GRID2: variants seen among roughly 807,000 people sequenced by gnomAD.
GRID2 encodes glutamate receptor ionotropic, delta-2.
A neutral mutation model predicts 114.8 loss-of-function variants in GRID2; 33 were observed. That is an observed-to-expected ratio of 0.29 (90% confidence interval 0.22 to 0.38). The LOEUF (loss-of-function observed/expected upper bound fraction) is 0.38. GRID2 is among the 10% of genes least tolerant of loss of function. The pLI, the probability that GRID2 is intolerant of heterozygous loss-of-function variation, is 1.00. For synonymous variants in GRID2, 505 were observed against 449.9 expected (o/e 1.12, Z -1.55); for missense variants, 1,184 against 1,257.7 (o/e 0.94, Z 0.89).
intron 2 of GRID2, among the ~76,000 whole-genome samples, chr4:93,053,086 C>G (rs748886035): frequency 6.6e-6 from 1 of 151,886 alleles, no homozygotes; most frequent in Non-Finnish European, 1.5e-5. Context: ...GTGGCACACT[C>G]GCCTCCCACT....
chr4:93,080,766 C>T (rs1056266797), intron 2 of GRID2, among the ~76,000 whole-genome samples: 1 of 152,150 alleles, frequency 6.6e-6, no homozygotes, highest in Non-Finnish European at 1.5e-5. Context: ...TTAATCCCTT[C>T]TGTGCTGCTA....
At chr4:93,626,544 G>A in intron 14 of GRID2, 109 bp downstream of exon 14, 1 of 673,850 alleles carries the variant, frequency 1.5e-6, no homozygotes, top group South Asian at 2.2e-5. Flanking sequence ...GTTAGGAGAA[G>A]CACAATAAAC....
chr4:93,261,134 A>T (rs1750208977), intron 8 of GRID2, among the ~76,000 whole-genome samples: 1 of 151,838 alleles, frequency 6.6e-6, no homozygotes, highest in African/African-American at 2.4e-5. Context: ...TTCAACTAAA[A>T]GTCACTTTTG....
intron 13 of GRID2, among the ~76,000 whole-genome samples, chr4:93,600,627 G>A (rs184850685): frequency 1.3e-5 from 2 of 152,246 alleles, no homozygotes; most frequent in South Asian, 2.1e-4. Context: ...TGTAAAATGC[G>A]TAAAAACTAC....
At chr4:92,722,230 A>C (rs549019988) in intron 2 of GRID2, among the ~76,000 whole-genome samples, 1 of 152,278 alleles carries the variant, frequency 6.6e-6, no homozygotes, top group East Asian at 1.9e-4. Flanking sequence ...CACTGAAAGC[A>C]TGGATACTGA....
intron 1 of GRID2, among the ~76,000 whole-genome samples, chr4:92,420,926 C>A (rs1731874879): frequency 6.6e-6 from 1 of 152,148 alleles, no homozygotes; most frequent in African/African-American, 2.4e-5. Context: ...CTCAAGTGAT[C>A]TGCCTGCCTC....
At chr4:93,015,480 A>G (rs916274808) in intron 2 of GRID2, among the ~76,000 whole-genome samples, 2 of 152,184 alleles carry the variant, frequency 1.3e-5, no homozygotes, top group African/African-American at 4.8e-5. Flanking sequence ...GCAAATAAAA[A>G]TAGCAGACAA....
chr4:92,566,284 C>T (rs1727330766), intron 1 of GRID2, among the ~76,000 whole-genome samples: 1 of 151,558 alleles, frequency 6.6e-6, no homozygotes, highest in Non-Finnish European at 1.5e-5. Flanking sequence ...GGAAATATTT[C>T]TGTTTTTTTT....
At chr4:93,233,579 G>A (rs185520492) in intron 7 of GRID2, among the ~76,000 whole-genome samples, 64 of 152,090 alleles carry the variant, frequency 4.2e-4, no homozygotes, top group Admixed American at 2.8e-3. Context: ...CTGACCTCAG[G>A]TGATCCATCT....
chr4:93,461,182 TATA>T (rs1723707798), intron 11 of GRID2, among the ~76,000 whole-genome samples: 1 of 152,172 alleles, frequency 6.6e-6, no homozygotes, highest in African/African-American at 2.4e-5. Flanking sequence ...TATACAAATT[TATA>T]ATGACAGATA....
At chr4:92,469,518 T>A (rs1018869375) in intron 1 of GRID2, among the ~76,000 whole-genome samples, 2 of 152,132 alleles carry the variant, frequency 1.3e-5, no homozygotes, top group Non-Finnish European at 2.9e-5. Flanking sequence ...TCATACCATG[T>A]TTTCTATTTG....
chr4:92,419,957 C>G (rs191429691), intron 1 of GRID2, among the ~76,000 whole-genome samples: 1 of 152,096 alleles, frequency 6.6e-6, no homozygotes, highest in Admixed American at 6.6e-5. Flanking sequence ...AATGAAATTT[C>G]ATCAAAGTTT....
At chr4:92,654,789 T>A (rs1021017229) in intron 2 of GRID2, among the ~76,000 whole-genome samples, 1 of 152,118 alleles carries the variant, frequency 6.6e-6, no homozygotes, top group African/African-American at 2.4e-5. Context: ...CTCCTTATAT[T>A]CTGGATGTTA....
intron 1 of GRID2, among the ~76,000 whole-genome samples, chr4:92,361,047 T>C (rs1560586533): frequency 6.6e-6 from 1 of 152,024 alleles, no homozygotes; most frequent in Admixed American, 6.6e-5. Context: ...TTTTATTTAT[T>C]GTTTACTCTG....
intron 1 of GRID2, among the ~76,000 whole-genome samples, chr4:92,496,267 T>C (rs1723384519): frequency 6.6e-6 from 1 of 151,886 alleles, no homozygotes; most frequent in African/African-American, 2.4e-5. Context: ...TTGTATTCCT[T>C]CTTTGTGGAT....
intron 8 of GRID2, among the ~76,000 whole-genome samples, chr4:93,325,823 G>A (rs944334523): frequency 2.0e-5 from 3 of 151,486 alleles, no homozygotes; most frequent in Non-Finnish European, 1.5e-5. Context: ...TTTTTTGCTG[G>A]CTATCACTCA....
chr4:92,480,371 T>C (rs1722523529), intron 1 of GRID2, among the ~76,000 whole-genome samples: 1 of 152,150 alleles, frequency 6.6e-6, no homozygotes, highest in Non-Finnish European at 1.5e-5. Flanking sequence ...TGTTGAAATA[T>C]AACATTTTTA....
At chr4:93,696,815 C>G (rs1727060009) in intron 14 of GRID2, among the ~76,000 whole-genome samples, 1 of 152,060 alleles carries the variant, frequency 6.6e-6, no homozygotes, top group Non-Finnish European at 1.5e-5. Context: ...CTCTATAATC[C>G]CAAATTTTGG....
At chr4:92,913,512 C>A (rs1298710737) in intron 2 of GRID2, among the ~76,000 whole-genome samples, 2 of 151,880 alleles carry the variant, frequency 1.3e-5, no homozygotes, top group Non-Finnish European at 1.5e-5. Context: ...TTATATTTCA[C>A]TTTCATTCTT....
Sources: allele counts gnomAD v4.1 joint callset (sites outside exome capture counted in the v4.1 genomes callset), GRCh38; gene constraint gnomAD v4.1.1; transcripts MANE v1.5; gene names NCBI Gene and HGNC (gene_info 2026-07-23, HGNC 2026-07-21).